RBFOX1: variants seen among roughly 807,000 people sequenced by gnomAD.
RBFOX1 encodes RNA binding fox-1 homolog 1.
In RBFOX1, 8 loss-of-function variants were observed where a neutral mutation model predicts 57.7. The observed-to-expected ratio is 0.14, with a 90% CI of 0.08 to 0.25. RBFOX1 has a LOEUF of 0.25. Ranked by LOEUF, RBFOX1 falls within the 10% of genes least tolerant of loss-of-function variation. The pLI is 1.00. For missense variants in RBFOX1, 611 were observed against 548.5 expected, an observed-to-expected ratio of 1.11 and a Z score of -1.14; for synonymous variants, 326 against 222.4, an observed-to-expected ratio of 1.47 and a Z score of -4.15.
intron 4 of RBFOX1, among the ~76,000 whole-genome samples, chr16:7,362,176 A>AGTGT (rs57675211): frequency 1.5e-4 from 23 of 150,272 alleles, no homozygotes; most frequent in African/African-American, 5.1e-4. Context: ...TATGCTTGCT[A>AGTGT]GTGTGTGTGT....
chr16:7,528,111 C>T (rs536945412), intron 5 of RBFOX1, among the ~76,000 whole-genome samples: 1 of 152,144 alleles, frequency 6.6e-6, no homozygotes, highest in Non-Finnish European at 1.5e-5. Context: ...GTTTTTAAGA[C>T]CCAAGGACAT....
At chr16:5,658,009 G>C (rs746116009) in intron 3 of RBFOX1, among the ~76,000 whole-genome samples, 7 of 152,058 alleles carry the variant, frequency 4.6e-5, no homozygotes, top group Non-Finnish European at 1.0e-4. Flanking sequence ...TGATATTACA[G>C]GCGTGAGCCA....
chr16:5,406,926 A>G (rs1175332672), intron 1 of RBFOX1, among the ~76,000 whole-genome samples: 1 of 152,134 alleles, frequency 6.6e-6, no homozygotes, highest in East Asian at 1.9e-4. Flanking sequence ...TTCATCTTGG[A>G]GGGAAGTCAG....
chr16:6,386,571 A>C (rs563327774), intron 2 of RBFOX1, among the ~76,000 whole-genome samples: 7 of 152,288 alleles, frequency 4.6e-5, no homozygotes, highest in Non-Finnish European at 7.3e-5. Context: ...ACAACCAATA[A>C]ATGGAAAAAT....
chr16:5,837,696 T>G (rs2056504862), intron 3 of RBFOX1, among the ~76,000 whole-genome samples: 1 of 151,958 alleles, frequency 6.6e-6, no homozygotes, highest in African/African-American at 2.4e-5. Context: ...CTATCCCCAT[T>G]CCTGTTTTAC....
intron 1 of RBFOX1, among the ~76,000 whole-genome samples, chr16:5,383,245 GA>G (rs1169866373): frequency 1.3e-5 from 2 of 152,176 alleles, no homozygotes; most frequent in Admixed American, 1.3e-4. Flanking sequence ...GGCAAGATCT[GA>G]AATTCATGAA....
intron 2 of RBFOX1, among the ~76,000 whole-genome samples, chr16:6,452,563 T>C (rs538446487): frequency 2.6e-5 from 4 of 152,286 alleles, no homozygotes; most frequent in African/African-American, 7.2e-5. Context: ...TACCTAGAGA[T>C]CGTCAAGTGA....
At chr16:5,603,000 T>C (rs1254503376), downstream of RBFOX1, among the ~76,000 whole-genome samples, 1 of 152,178 alleles carries the variant, frequency 6.6e-6, no homozygotes, top group African/African-American at 2.4e-5. Context: ...CAAGACTAAA[T>C]GTGGCCTTTA....
chr16:5,347,619 C>G (rs1322299827), intron 1 of RBFOX1, among the ~76,000 whole-genome samples: 1 of 150,694 alleles, frequency 6.6e-6, no homozygotes, highest in Non-Finnish European at 1.5e-5. Flanking sequence ...CTCCCATCCC[C>G]CTATCAACAC....
intron 1 of RBFOX1, among the ~76,000 whole-genome samples, chr16:6,143,959 C>CCACATATA (rs71404590): frequency 6.4e-5 from 9 of 139,982 alleles, no homozygotes; most frequent in African/African-American, 2.5e-4. Context: ...CCATACTCAG[C>CCACATATA]TATATATATA....
At chr16:5,422,449 A>G in intron 1 of RBFOX1, among the ~76,000 whole-genome samples, 1 of 119,604 alleles carries the variant, frequency 8.4e-6, no homozygotes, top group Non-Finnish European at 1.8e-5. Context: ...ATGGAGAGGG[A>G]ACATGAGGGA....
intron 3 of RBFOX1, chr16:6,773,880 G>A: frequency 1.1e-6 from 1 of 875,102 alleles, no homozygotes; most frequent in Non-Finnish European, 1.4e-6. Flanking sequence ...GCGTTTGTCT[G>A]TGTGTATTTG....
At chr16:7,150,216 A>C (rs528567470) in intron 4 of RBFOX1, among the ~76,000 whole-genome samples, 1 of 152,262 alleles carries the variant, frequency 6.6e-6, no homozygotes, top group South Asian at 2.1e-4. Context: ...TTATTTACCT[A>C]TTGGCTGGCA....
intron 1 of RBFOX1, among the ~76,000 whole-genome samples, chr16:6,265,126 G>T (rs1279769187): frequency 2.0e-5 from 3 of 152,088 alleles, no homozygotes; most frequent in African/African-American, 7.2e-5. Context: ...GTTATCTGGG[G>T]CTATTTTCTA....
chr16:5,427,396 C>A (rs944017153), intron 1 of RBFOX1, among the ~76,000 whole-genome samples: 2 of 152,082 alleles, frequency 1.3e-5, no homozygotes, highest in Non-Finnish European at 2.9e-5. Context: ...ACCAGCTTGG[C>A]CAGCATGGTG....
intron 3 of RBFOX1, among the ~76,000 whole-genome samples, chr16:5,692,803 G>A (rs188711711): frequency 6.1e-4 from 93 of 152,256 alleles, no homozygotes; most frequent in Admixed American, 2.5e-3. Flanking sequence ...GTCCAGGCAA[G>A]AGGGTTGTGC....
chr16:6,413,585 G>A lies in RBFOX1; in HGVS notation c.-64+96528G>A, dbSNP rs775650061. On this transcript the variant is annotated intron_variant, in intron 2 of 15. Transcript: ENST00000550418. ...AATGAGGGTTTTTATTCTCATAATC[G>A]GTCAAAACAATTGACAGAGAAAGAA... Among the ~76,000 whole-genome samples the A allele has an allele frequency of 6.6e-5, 10 of 151,926 alleles. 1 individual carries two copies. The highest frequency in any genetic ancestry group is 1.7e-4 in the African/African-American group (7 of 41,328).
chr16:6,264,423 G>A (rs1054895345), intron 1 of RBFOX1, among the ~76,000 whole-genome samples: 10 of 152,136 alleles, frequency 6.6e-5, no homozygotes, highest in African/African-American at 2.4e-4. Context: ...TCTCTTGTTG[G>A]AAACCCGTCA....
chr16:6,943,191 C>T (rs2078863742), intron 3 of RBFOX1, among the ~76,000 whole-genome samples: 1 of 152,138 alleles, frequency 6.6e-6, no homozygotes, highest in African/African-American at 2.4e-5. Context: ...TGAGCTTGGC[C>T]AAATGGGAAC....
Sources: gnomAD v4.1 joint callset for allele counts (sites outside exome capture counted in the v4.1 genomes callset) on GRCh38, gnomAD v4.1.1 for gene constraint, MANE v1.5 for transcripts, NCBI Gene and HGNC (gene_info 2026-07-23, HGNC 2026-07-21) for gene names.